The following FNIP2 variants were observed in gnomAD, a reference collection of about 807,000 sequenced individuals.
The protein encoded by FNIP2 is folliculin interacting protein 2.
Under a neutral mutation model 108.7 loss-of-function variants are expected in FNIP2, and 32 were observed. That is an observed-to-expected ratio of 0.29 (90% CI 0.22 to 0.40). The LOEUF is 0.40. FNIP2 is among the 10% of genes least tolerant of loss of function. FNIP2 has a pLI of 1.00. For missense variants in FNIP2, 1,202 were observed against 1,381.6 expected (o/e 0.87, Z 2.06); for synonymous variants, 480 against 496.7 (o/e 0.97, Z 0.45).
chr4:158,803,361 G>A (rs1211095644), intron 1 of FNIP2, among the ~76,000 whole-genome samples: 1 of 152,120 alleles, frequency 6.6e-6, no homozygotes, highest in South Asian at 2.1e-4. Context: ...CTCTCTAAGT[G>A]TGTAATTACA....
At chr4:158,879,745 A>G (rs1339845963) in intron 14 of FNIP2, among the ~76,000 whole-genome samples, 3 of 150,486 alleles carry the variant, frequency 2.0e-5, no homozygotes, top group African/African-American at 7.4e-5. Context: ...CAGATTTACA[A>G]GAAAAAAGCT....
intron 5 of FNIP2, 50 bp downstream of exon 5, chr4:158,832,188 T>A: frequency 7.0e-7 from 1 of 1,433,718 alleles, no homozygotes; most frequent in South Asian, 1.2e-5. Context: ...AAGTGTGTAT[T>A]TCTAGATAGA....
In FNIP2 at chr4:158,851,424, T is replaced by G; in HGVS notation, c.831T>G (p.Ser277Arg). 3.1e-6 allele frequency: 5 copies of G among 1,613,872 alleles called. No homozygotes were observed. Among genetic ancestry groups the G allele is most frequent in the Non-Finnish European group, 4.2e-6 (5 of 1,179,826 alleles). Residue 277 changes from serine (S) to arginine (R), a missense_variant, in exon 8 of 17, where the codon AGT (serine) becomes AGG (arginine). This residue lies in a region of FNIP2 where 878 missense variants were observed against 990.3 expected (regional missense o/e 0.89). Transcript: ENST00000264433. ...GCTGGCTTCGAAGTCAGACAACAAG[T>G]TTGGAAAATGGCATCATCCCAAGAA... ...QRRWLRSQTT[S>R]LENGIIPRRS...
chr4:158,871,774 T>G (rs1780962968), intron 14 of FNIP2: 1 of 984,748 alleles, frequency 1.0e-6, no homozygotes, highest in Admixed American at 6.1e-5. Flanking sequence ...TAATTTCTCT[T>G]TATAGTTATG....
chr4:158,848,499 G>C (rs978798718), intron 7 of FNIP2, among the ~76,000 whole-genome samples: 1 of 152,182 alleles, frequency 6.6e-6, no homozygotes, highest in Non-Finnish European at 1.5e-5. Flanking sequence ...TGCCCAAGAA[G>C]GGTGGGTACA....
At chr4:158,797,193 A>G (rs763618535) in intron 1 of FNIP2, among the ~76,000 whole-genome samples, 8 of 152,236 alleles carry the variant, frequency 5.3e-5, no homozygotes, top group Non-Finnish European at 1.0e-4. Context: ...ACCTTTAATT[A>G]TAGCTATATT....
At chr4:158,769,354 AC>A in intron 1 of FNIP2, 35 bp downstream of exon 1, 1 of 1,419,266 alleles carries the variant, frequency 7.0e-7, no homozygotes. Context: ...CTGGCGCGGG[AC>A]CCGAGTTGGC....
intron 1 of FNIP2, among the ~76,000 whole-genome samples, chr4:158,799,508 A>G (rs1776693952): frequency 6.6e-6 from 1 of 152,174 alleles, no homozygotes; most frequent in Non-Finnish European, 1.5e-5. Flanking sequence ...CTTCTACCTT[A>G]CTTGATAACA....
At chr4:158,866,589 T>C (rs1181467774) in intron 12 of FNIP2, among the ~76,000 whole-genome samples, 2 of 151,058 alleles carry the variant, frequency 1.3e-5, no homozygotes, top group African/African-American at 4.9e-5. Flanking sequence ...ACATCTTTTT[T>C]TATGAGATGG....
chr4:158,902,723 C>T (rs752082423), intron 16 of FNIP2, among the ~76,000 whole-genome samples: 10 of 152,222 alleles, frequency 6.6e-5, no homozygotes, highest in Non-Finnish European at 1.2e-4. Context: ...GCCCCAGTGG[C>T]CTTGCTGAGA....
intron 1 of FNIP2, 21 bp downstream of exon 1, chr4:158,769,340 A>G (rs2126386744): frequency 6.9e-7 from 1 of 1,455,178 alleles, no homozygotes. Flanking sequence ...GCCGGGGGGC[A>G]ATTCTGGCGC....
chr4:158,894,011 C>G (rs1195502593), intron 15 of FNIP2, among the ~76,000 whole-genome samples: 2 of 151,906 alleles, frequency 1.3e-5, no homozygotes, highest in Admixed American at 1.3e-4. Flanking sequence ...GATTAAATGG[C>G]TTTTAGAACC....
At chr4:158,873,934 C>G (rs1333870957) in intron 14 of FNIP2, among the ~76,000 whole-genome samples, 1 of 152,198 alleles carries the variant, frequency 6.6e-6, no homozygotes, top group Non-Finnish European at 1.5e-5. Flanking sequence ...GCCTGTGACT[C>G]CTGAGTAGCC....
At chr4:158,821,958 C>T (rs908868252) in intron 1 of FNIP2, among the ~76,000 whole-genome samples, 1 of 151,976 alleles carries the variant, frequency 6.6e-6, no homozygotes, top group African/African-American at 2.4e-5. Flanking sequence ...GGCATGGTGG[C>T]ACATGCCTGT....
chr4:158,871,835 T>C (rs1354241264), intron 14 of FNIP2: 2 of 985,340 alleles, frequency 2.0e-6, no homozygotes, highest in African/African-American at 3.5e-5. Flanking sequence ...CAATGACCCC[T>C]GTAAGAAAAA....
chr4:158,781,687 G>T (rs1776052663), intron 1 of FNIP2, among the ~76,000 whole-genome samples: 1 of 151,908 alleles, frequency 6.6e-6, no homozygotes, highest in Non-Finnish European at 1.5e-5. Flanking sequence ...GCTAATTTTT[G>T]TATTTTTTTG....
chr4:158,845,381 A>G (rs1241514617), intron 7 of FNIP2, among the ~76,000 whole-genome samples: 1 of 152,178 alleles, frequency 6.6e-6, no homozygotes, highest in Non-Finnish European at 1.5e-5. Context: ...AAGGTAGTGA[A>G]TCAACTAGGG....
At chr4:158,775,025 G>A (rs1396177985) in intron 1 of FNIP2, among the ~76,000 whole-genome samples, 2 of 152,108 alleles carry the variant, frequency 1.3e-5, no homozygotes, top group African/African-American at 2.4e-5. Flanking sequence ...GTTGCTTTAG[G>A]TTGTGTTTCT....
chr4:158,828,614 C>T (rs1297438128), intron 2 of FNIP2, among the ~76,000 whole-genome samples: 1 of 152,080 alleles, frequency 6.6e-6, no homozygotes, highest in East Asian at 1.9e-4. Context: ...GACTCCATCT[C>T]ACAAACAAAC....
Sources: gnomAD v4.1 joint callset for allele counts (sites outside exome capture counted in the v4.1 genomes callset) on GRCh38, gnomAD v4.1.1 for gene constraint, gnomAD v4.1.1 regional missense constraint, MANE v1.5 for transcripts, NCBI Gene and HGNC (gene_info 2026-07-23, HGNC 2026-07-21) for gene names.